Variants in LPP observed in about 807,000 individuals in gnomAD.
LPP encodes LIM domain containing preferred translocation partner in lipoma, also known as lipoma-preferred partner.
A neutral mutation model predicts 60.4 loss-of-function variants in LPP; 38 were observed. The ratio of observed to expected loss-of-function variants is 0.63; its 90% CI spans 0.49 to 0.83. The LOEUF is 0.83. LPP is among the 40% of genes least tolerant of loss of function. LPP has a pLI of 0.00. For missense variants in LPP, 902 were observed against 783.6 expected, an observed-to-expected ratio of 1.15 and a Z score of -1.80; for synonymous variants, 328 against 290.8, an observed-to-expected ratio of 1.13 and a Z score of -1.30.
intron 7 of LPP, among the ~76,000 whole-genome samples, chr3:188,678,532 A>G (rs1223903721): frequency 6.6e-6 from 1 of 152,236 alleles, no homozygotes; most frequent in African/African-American, 2.4e-5. Context: ...GGAATTGCCT[A>G]AAGACACGCA....
intron 5 of LPP, among the ~76,000 whole-genome samples, chr3:188,522,151 C>T (rs936922668): frequency 7.9e-5 from 12 of 152,188 alleles, no homozygotes; most frequent in African/African-American, 2.7e-4. Context: ...GACCTGCTGG[C>T]CTTAAACAGT....
intron 3 of LPP, among the ~76,000 whole-genome samples, chr3:188,377,558 AG>A (rs1775518115): frequency 1.3e-5 from 2 of 152,118 alleles, no homozygotes; most frequent in South Asian, 4.1e-4. Context: ...CAGCTCCATC[AG>A]GTCCTTTAAG....
intron 4 of LPP, among the ~76,000 whole-genome samples, chr3:188,411,490 G>T (rs570030429): frequency 6.6e-6 from 1 of 152,070 alleles, no homozygotes; most frequent in Non-Finnish European, 1.5e-5. Context: ...AATTCTTAAA[G>T]ATTTTATAGT....
At chr3:188,382,136 C>T (rs1777076041) in intron 3 of LPP, among the ~76,000 whole-genome samples, 1 of 152,122 alleles carries the variant, frequency 6.6e-6, no homozygotes. Flanking sequence ...TCCATTCCTT[C>T]TACGGTTTGG....
Position 188,812,117 on chromosome 3 carries a change from C to T in LPP, c.1410+51835C>T, listed in dbSNP as rs1003970456. Among the ~76,000 whole-genome samples the T allele has an allele frequency of 5.9e-5, 9 of 151,978 alleles. No homozygotes were observed. In the South Asian group the frequency reaches 8.3e-4, roughly 14 times the overall value. ...TCTGTTCCTAGGTCAAGGTTGAGTA[C>T]GTTTATAGATATTCTATAAATATAT... On this transcript the variant is annotated intron_variant, in intron 9 of 11. Coordinates refer to ENST00000617246, the MANE Select transcript of LPP (RefSeq NM_001375462.1).
chr3:188,545,331 T>C (rs961406757), intron 6 of LPP, among the ~76,000 whole-genome samples: 4 of 151,900 alleles, frequency 2.6e-5, no homozygotes, highest in African/African-American at 9.7e-5. Context: ...AAGTAAGCTT[T>C]GTTTAAATTA....
chr3:188,666,935 T>C (rs780662615), intron 7 of LPP, among the ~76,000 whole-genome samples: 10 of 152,252 alleles, frequency 6.6e-5, no homozygotes, highest in Admixed American at 1.3e-4. Context: ...ATAGTGGATA[T>C]ATAATAGTGT....
chr3:188,165,426 A>T (rs1484259824), intron 1 of LPP, among the ~76,000 whole-genome samples: 2 of 152,194 alleles, frequency 1.3e-5, no homozygotes, highest in Non-Finnish European at 2.9e-5. Flanking sequence ...AGTGGGAGAC[A>T]TAACATGGAT....
At chr3:188,798,507 C>T (rs949207840) in intron 9 of LPP, among the ~76,000 whole-genome samples, 6 of 152,212 alleles carry the variant, frequency 3.9e-5, no homozygotes, top group Non-Finnish European at 7.3e-5. Context: ...TCAGTCTCAA[C>T]ATCCTAAGTT....
chr3:188,324,432 T>G (rs13060460), intron 2 of LPP, among the ~76,000 whole-genome samples: 22,224 of 152,118 alleles, frequency 0.15, 1,854 homozygotes, highest in East Asian at 0.34. Context: ...AGCAGCAGCA[T>G]CACCCGAAAT....
intron 3 of LPP, among the ~76,000 whole-genome samples, chr3:188,377,926 A>G (rs1401146103): frequency 6.6e-6 from 1 of 152,098 alleles, no homozygotes; most frequent in Non-Finnish European, 1.5e-5. Flanking sequence ...CTTCTAACAG[A>G]CAGGACCCTC....
rs1197048619 is a variant in LPP, at chr3:188,637,791, A to G, written c.1113+27947A>G. On this transcript the variant is annotated intron_variant, in intron 7 of 11. Coordinates refer to ENST00000617246, the MANE Select transcript of LPP (RefSeq NM_001375462.1). ...GAAATGGATAAATTCCTTGATACGT[A>G]CATGCTCCCAAGACTAAACCAGGAA... Among the ~76,000 whole-genome samples, 3 of 152,366 alleles carry G rather than the reference A, an allele frequency of 2.0e-5. No individual in the cohort carries two copies. In the East Asian group the frequency reaches 5.8e-4, roughly 29 times the overall value.
At chr3:188,749,912 C>T (rs1447275703) in intron 8 of LPP, among the ~76,000 whole-genome samples, 3 of 152,126 alleles carry the variant, frequency 2.0e-5, no homozygotes, top group Non-Finnish European at 4.4e-5. Flanking sequence ...TTTTATTAGT[C>T]ACATATTGTT....
intron 3 of LPP, among the ~76,000 whole-genome samples, chr3:188,359,378 C>T (rs1389942319): frequency 6.6e-6 from 1 of 152,156 alleles, no homozygotes. Context: ...AATGTGCATA[C>T]GGGTGAGAGT....
chr3:188,517,353 A>T (rs1335558126), intron 5 of LPP, among the ~76,000 whole-genome samples: 1 of 152,358 alleles, frequency 6.6e-6, no homozygotes, highest in South Asian at 2.1e-4. Context: ...TCAAAGACAG[A>T]TGATGGAAAA....
intron 2 of LPP, among the ~76,000 whole-genome samples, chr3:188,245,257 C>T (rs1002335153): frequency 1.1e-4 from 16 of 151,990 alleles, no homozygotes; most frequent in Admixed American, 3.3e-4. Flanking sequence ...GGATTACAGG[C>T]ACCCGCCACT....
chr3:188,737,709 C>T lies in LPP; in HGVS notation c.1241-22404C>T, dbSNP rs150922204. Among the ~76,000 whole-genome samples the T allele has an allele frequency of 5.6e-3, 857 of 152,260 alleles. 5 individuals are homozygous for T. The highest frequency in any genetic ancestry group is 8.6e-3 in the Admixed American group (132 of 15,288). ...GGCTACGGTTTGCTGCTGAATGTAT[C>T]AGTGATGGACTTTTGAATGTTTAAT... On this transcript the variant is annotated intron_variant, in intron 8 of 11. Transcript: ENST00000617246.
chr3:188,192,205 G>C (rs535318112), intron 1 of LPP, among the ~76,000 whole-genome samples: 6 of 152,234 alleles, frequency 3.9e-5, no homozygotes, highest in Non-Finnish European at 8.8e-5. Flanking sequence ...GATTAGAAAG[G>C]CTTCATGGGG....
At chr3:188,205,505 C>T (rs1474025908) in intron 1 of LPP, among the ~76,000 whole-genome samples, 2 of 152,136 alleles carry the variant, frequency 1.3e-5, no homozygotes, top group Non-Finnish European at 2.9e-5. Flanking sequence ...TGGTCTTGAA[C>T]TCCTGACCTC....
Sources: gnomAD v4.1 joint callset for allele counts (sites outside exome capture counted in the v4.1 genomes callset) on GRCh38, gnomAD v4.1.1 for gene constraint, MANE v1.5 for transcripts, NCBI Gene and HGNC (gene_info 2026-07-23, HGNC 2026-07-21) for gene names.